The following C20orf203 variants were observed in gnomAD, a reference collection of about 807,000 sequenced individuals.
C20orf203 encodes the protein chromosome 20 open reading frame 203.
C20orf203 carries 16 observed loss-of-function variants against 15.9 expected under a neutral mutation model. The ratio of observed to expected loss-of-function variants is 1.01; its 90% CI spans 0.68 to 1.53. C20orf203 has a LOEUF of 1.53. Ranked by LOEUF, C20orf203 falls within the 40% of genes most tolerant of loss-of-function variation. C20orf203 has a pLI of 0.00. For synonymous variants in C20orf203, 98 were observed against 97.2 expected, an observed-to-expected ratio of 1.01 and a Z score of -0.05; for missense variants, 263 against 247.5, an observed-to-expected ratio of 1.06 and a Z score of -0.42.
intron 1 of C20orf203, among the ~76,000 whole-genome samples, chr20:32,663,971 T>C (rs1233448835): frequency 6.6e-6 from 1 of 152,240 alleles, no homozygotes; most frequent in African/African-American, 2.4e-5. Context: ...GAACATTCAT[T>C]ATCTGCTGTA....
At chr20:32,644,226 T>C (rs1982362412) in intron 4 of C20orf203, among the ~76,000 whole-genome samples, 1 of 152,122 alleles carries the variant, frequency 6.6e-6, no homozygotes, top group Non-Finnish European at 1.5e-5. Context: ...GGCGGGTGGA[T>C]TGCCTGAGCT....
chr20:32,650,359 G>T lies in C20orf203; in HGVS notation c.*73C>A. 9.2e-7 allele frequency: 1 copy of T among 1,088,460 alleles called. No homozygotes were observed. 67.4% of individuals were successfully genotyped at this position (1,088,460 alleles called of 1,614,324 possible). A position where few individuals can be genotyped will look rare whatever the true frequency, so the allele number is the denominator to read the frequency against. On this transcript the variant is annotated 3_prime_UTR_variant, in exon 4 of 6. Transcript: ENST00000608990. ...AATGATTGTGGGGGGTGGTAACAGG[G>T]GACACCCTGAGGTGGTGGTGGCCTT...
chr20:32,650,371 G>T lies in C20orf203; in HGVS notation c.*61C>A. On this transcript the variant is annotated 3_prime_UTR_variant, in exon 4 of 6. Coordinates refer to ENST00000608990, the MANE Select transcript of C20orf203 (RefSeq NM_182584.4). The stretch of plus-strand genomic sequence containing the variant: ...GGGTGGTAACAGGGGACACCCTGAG[G>T]TGGTGGTGGCCTTGGTAGGACAGGC... The T allele has an allele frequency of 4.1e-6, 5 of 1,222,862 alleles. No individual in the cohort carries two copies. The allele number at this position is 1,222,862 out of a possible 1,614,324, so 75.8% of individuals were successfully genotyped here.
At chr20:32,655,416 C>T (rs1292368147) in intron 1 of C20orf203, among the ~76,000 whole-genome samples, 3 of 151,966 alleles carry the variant, frequency 2.0e-5, no homozygotes, top group African/African-American at 7.3e-5. Flanking sequence ...AAATAACTGA[C>T]AATCATATAT....
At chr20:32,663,606 T>C (rs970315553) in intron 1 of C20orf203, among the ~76,000 whole-genome samples, 2 of 152,262 alleles carry the variant, frequency 1.3e-5, no homozygotes, top group Non-Finnish European at 2.9e-5. Context: ...TACCTTCTTG[T>C]AGTTTCCAAA....
At chr20:32,664,640 A>G (rs7268180) in intron 1 of C20orf203, among the ~76,000 whole-genome samples, 53,910 of 152,122 alleles carry the variant, frequency 0.35, 10,164 homozygotes, top group African/African-American at 0.44. Context: ...TCAGCGTGAG[A>G]AGAGAGGACC....
At chr20:32,669,946 A>G (rs1983122242) in intron 1 of C20orf203, among the ~76,000 whole-genome samples, 1 of 152,258 alleles carries the variant, frequency 6.6e-6, no homozygotes, top group African/African-American at 2.4e-5. Flanking sequence ...TTACGCCTGT[A>G]ATCCCAGCAT....
rs573914216 is a variant in C20orf203 at position 32,650,125 on chromosome 20, G to A, written c.*307C>T. 5 of 331,144 alleles carry A rather than the reference G, an allele frequency of 1.5e-5. No homozygotes were observed. The highest frequency in any genetic ancestry group is 5.8e-5 in the East Asian group (1 of 17,298). 20.5% of individuals were successfully genotyped at this position (331,144 alleles called of 1,614,324 possible). A position where few individuals can be genotyped will look rare whatever the true frequency, so the allele number is the denominator to read the frequency against. ...GACCAAGCCAGAGAGATGTGCCAGC[G>A]CCTCCCAAGGGAGAAGCCATTCTCC... is the stretch of plus-strand genomic sequence containing the variant. On this transcript the variant is annotated 3_prime_UTR_variant, in exon 4 of 6. Coordinates refer to ENST00000608990, the MANE Select transcript of C20orf203 (RefSeq NM_182584.4).
chr20:32,651,188 AAAAAAT>A, intron 2 of C20orf203, 22 bp from the exon 3 acceptor site: 1 of 531,674 alleles, frequency 1.9e-6, no homozygotes, highest in Non-Finnish European at 3.1e-6. Context: ...AAAAAAAAAA[AAAAAAT>A]TAGCTGGGTG....
intron 1 of C20orf203, among the ~76,000 whole-genome samples, chr20:32,668,229 C>T (rs2145683111): frequency 6.6e-6 from 1 of 152,164 alleles, no homozygotes; most frequent in East Asian, 1.9e-4. Context: ...TTGATGTTGC[C>T]ACTGTTATTA....
At chr20:32,646,706 G>C (rs1344727095) in intron 4 of C20orf203, among the ~76,000 whole-genome samples, 1 of 152,188 alleles carries the variant, frequency 6.6e-6, no homozygotes, top group Non-Finnish European at 1.5e-5. Context: ...GTCCCTATAG[G>C]TTGTCTGCCA....
At chr20:32,646,579 C>T (rs115985782) in intron 4 of C20orf203, among the ~76,000 whole-genome samples, 3,883 of 152,200 alleles carry the variant, frequency 0.026, 162 homozygotes, top group African/African-American at 0.087. Flanking sequence ...TGATGGCCTG[C>T]TGTTGTGGTC....
Position 32,633,888 on chromosome 20 carries a change from A to T in C20orf203, c.*1682T>A. ...CTCCTGACTTGGGGCCCCTGCTCTG[A>T]ACCTTCCACCCCGTCCGCCTGGACT... On this transcript the variant is annotated 3_prime_UTR_variant, in exon 6 of 6. Transcript: ENST00000608990. The T allele has an allele frequency of 2.5e-6, 1 of 397,054 alleles. No homozygotes were observed. The highest frequency in any genetic ancestry group is 4.4e-6 in the Non-Finnish European group (1 of 225,712). The allele number at this position is 397,054 out of a possible 1,614,324, so 24.6% of individuals were successfully genotyped here. A position where few individuals can be genotyped will look rare whatever the true frequency, so the allele number is the denominator to read the frequency against.
chr20:32,642,800 C>G (rs1982320955), intron 4 of C20orf203, among the ~76,000 whole-genome samples: 1 of 152,188 alleles, frequency 6.6e-6, no homozygotes, highest in Middle Eastern at 3.2e-3. Context: ...TTCTGACTAC[C>G]TGGGTTTGAA....
At chr20:32,665,540 G>A (rs953879198) in intron 1 of C20orf203, among the ~76,000 whole-genome samples, 1 of 152,224 alleles carries the variant, frequency 6.6e-6, no homozygotes, top group African/African-American at 2.4e-5. Context: ...CCAAGACTGG[G>A]AAGAGCAAGG....
At chr20:32,670,776 G>A (rs544288348) in intron 1 of C20orf203, among the ~76,000 whole-genome samples, 5 of 152,058 alleles carry the variant, frequency 3.3e-5, no homozygotes, top group African/African-American at 7.2e-5. Flanking sequence ...AGGTTGCAGT[G>A]AGCCAAGATC....
chr20:32,636,002 C>G (rs1982128203), intron 5 of C20orf203, among the ~76,000 whole-genome samples: 1 of 152,178 alleles, frequency 6.6e-6, no homozygotes, highest in Admixed American at 6.5e-5. Flanking sequence ...TCTGAATGCC[C>G]TCTGCTTTCT....
rs981489623 is a variant in C20orf203, at chr20:32,650,124, C to T, written c.*308G>A. The T allele has an allele frequency of 4.7e-5, 16 of 337,096 alleles. No homozygotes were observed. The highest frequency in any genetic ancestry group is 2.3e-4 in the South Asian group (5 of 21,612). 20.9% of individuals were successfully genotyped at this position (337,096 alleles called of 1,614,324 possible). On this transcript the variant is annotated 3_prime_UTR_variant, in exon 4 of 6. Transcript: ENST00000608990. The stretch of plus-strand genomic sequence containing the variant: ...GGACCAAGCCAGAGAGATGTGCCAG[C>T]GCCTCCCAAGGGAGAAGCCATTCTC...
At chr20:32,641,586 C>T (rs998205312) in intron 4 of C20orf203, among the ~76,000 whole-genome samples, 4 of 152,222 alleles carry the variant, frequency 2.6e-5, no homozygotes, top group South Asian at 2.1e-4. Flanking sequence ...TTACCATCAG[C>T]GGTGTATGAG....
Sources: allele counts gnomAD v4.1 joint callset (sites outside exome capture counted in the v4.1 genomes callset), GRCh38; gene constraint gnomAD v4.1.1; transcripts MANE v1.5; gene names NCBI Gene and HGNC (gene_info 2026-07-23, HGNC 2026-07-21).